Variants in HIP1 observed in about 807,000 individuals in gnomAD.
HIP1 encodes the protein huntingtin interacting protein 1, also known as huntingtin-interacting protein 1.
HIP1 carries 65 observed loss-of-function variants against 147.6 expected under a neutral mutation model. The observed-to-expected ratio is 0.44, with a 90% CI of 0.36 to 0.54. The LOEUF is 0.54. HIP1 is among the 20% of genes least tolerant of loss of function. The pLI, the probability that HIP1 is intolerant of heterozygous loss-of-function variation, is 0.00. For synonymous variants in HIP1, 479 were observed against 504.0 expected, an observed-to-expected ratio of 0.95 and a Z score of 0.67; for missense variants, 1,061 against 1,299.6, an observed-to-expected ratio of 0.82 and a Z score of 2.82.
chr7:75,549,038 G>T (rs781917291), intron 22 of HIP1, 37 bp from the exon 23 acceptor site: 2 of 1,425,918 alleles, frequency 1.4e-6, no homozygotes, highest in South Asian at 2.3e-5. Flanking sequence ...TGACCTTGGG[G>T]CCTCCTGTCT....
intron 1 of HIP1, among the ~76,000 whole-genome samples, chr7:75,723,244 T>C (rs368270907): frequency 6.6e-6 from 1 of 151,990 alleles, no homozygotes; most frequent in African/African-American, 2.4e-5. Flanking sequence ...TGGTGGTGCG[T>C]CCCTGTAATC....
At chr7:75,619,494 C>T (rs1307952259) in intron 1 of HIP1, among the ~76,000 whole-genome samples, 10 of 131,312 alleles carry the variant, frequency 7.6e-5, no homozygotes, top group East Asian at 6.6e-4. Flanking sequence ...CCAGCCTGGG[C>T]GACAGAGCAA....
intron 2 of HIP1, among the ~76,000 whole-genome samples, chr7:75,598,898 G>A (rs1010519976): frequency 3.3e-5 from 5 of 152,048 alleles, no homozygotes; most frequent in South Asian, 4.1e-4. Flanking sequence ...GACCCCTTTT[G>A]GAAAAAGAAA....
chr7:75,605,058 G>C (rs1271974261), intron 1 of HIP1, among the ~76,000 whole-genome samples: 2 of 152,134 alleles, frequency 1.3e-5, no homozygotes, highest in Non-Finnish European at 1.5e-5. Context: ...TTCTTAAAGG[G>C]AAAGGAGGGA....
At chr7:75,684,623 T>C (rs1444541225) in intron 1 of HIP1, among the ~76,000 whole-genome samples, 1 of 152,138 alleles carries the variant, frequency 6.6e-6, no homozygotes, top group Non-Finnish European at 1.5e-5. Context: ...CACTGATTAG[T>C]ATCCCACTGT....
intron 1 of HIP1, among the ~76,000 whole-genome samples, chr7:75,650,470 T>TTTTTTTTTTTTTTTA (rs1798936387): frequency 6.8e-6 from 1 of 147,926 alleles, no homozygotes; most frequent in African/African-American, 2.5e-5. Flanking sequence ...TTTTTTTTTT[T>TTTTTTTTTTTTTTTA]GAGACAGAGT....
At chr7:75,637,977 A>ACCCCC (rs548189788) in intron 1 of HIP1, among the ~76,000 whole-genome samples, 1 of 38,670 alleles carries the variant, frequency 2.6e-5, no homozygotes, top group African/African-American at 9.2e-5. Context: ...GCAGACCCAG[A>ACCCCC]CCCCCCCCCC....
At chr7:75,643,020 T>C (rs1161978303) in intron 1 of HIP1, among the ~76,000 whole-genome samples, 3 of 152,190 alleles carry the variant, frequency 2.0e-5, no homozygotes, top group Non-Finnish European at 2.9e-5. Flanking sequence ...CTCAGTTCCT[T>C]GACGTAATTC....
chr7:75,667,576 C>T (rs1197595121), intron 1 of HIP1, among the ~76,000 whole-genome samples: 8 of 152,192 alleles, frequency 5.3e-5, no homozygotes, highest in Non-Finnish European at 1.0e-4. Context: ...GTCTTGAGCT[C>T]CTGGGCTCAG....
chr7:75,638,005 TACACACAC>T (rs372119007), intron 1 of HIP1, among the ~76,000 whole-genome samples: 4 of 43,982 alleles, frequency 9.1e-5, no homozygotes, highest in Admixed American at 3.3e-4. Context: ...CACACACACA[TACACACAC>T]ACACACACAC....
At chr7:75,538,699 T>A (rs978983067) in intron 30 of HIP1, among the ~76,000 whole-genome samples, 2 of 151,108 alleles carry the variant, frequency 1.3e-5, no homozygotes, top group Non-Finnish European at 3.0e-5. Context: ...CTCAGCCTCC[T>A]GAGTAGCTGG....
intron 1 of HIP1, among the ~76,000 whole-genome samples, chr7:75,601,431 A>C (rs1171536358): frequency 3.9e-5 from 6 of 151,976 alleles, no homozygotes; most frequent in Admixed American, 2.6e-4. Flanking sequence ...TCTACTAAAA[A>C]TACAAAAATT....
intron 14 of HIP1, among the ~76,000 whole-genome samples, chr7:75,558,958 G>A (rs1795122067): frequency 6.6e-6 from 1 of 152,172 alleles, no homozygotes; most frequent in East Asian, 1.9e-4. Context: ...GGTAGAGGTT[G>A]CAGTGAGCCC....
intron 1 of HIP1, among the ~76,000 whole-genome samples, chr7:75,705,718 C>CA (rs1439315978): frequency 4.7e-4 from 71 of 152,156 alleles, no homozygotes; most frequent in African/African-American, 1.7e-3. Flanking sequence ...TTTGCTTATC[C>CA]ATTCATCCAC....
chr7:75,560,547 CG>C (rs1795191647), intron 13 of HIP1, among the ~76,000 whole-genome samples: 2 of 151,968 alleles, frequency 1.3e-5, no homozygotes, highest in South Asian at 4.2e-4. Context: ...CCACTGTGCC[CG>C]GCAAACCAAT....
intron 29 of HIP1, among the ~76,000 whole-genome samples, chr7:75,541,214 G>A (rs1419908916): frequency 6.6e-6 from 1 of 152,044 alleles, no homozygotes; most frequent in African/African-American, 2.4e-5. Flanking sequence ...GGCCAGCATG[G>A]TGAAACCTTA....
In HIP1 at chr7:75,554,495, G is replaced by A; in HGVS notation, c.1995C>T (p.Ser665=). Residue 665 remains serine (S), a synonymous_variant, in exon 20 of 31, where the codon TCC becomes TCT. Transcript: ENST00000336926. Reference sequence around the variant, plus strand: ...TTTTCTCCAGTTGCTCGATGCAGCTGGAAATGGATGTGACCGTGGAGAGGA... The same window carrying A: ...TTTTCTCCAGTTGCTCGATGCAGCTAGAAATGGATGTGACCGTGGAGAGGA... ...DHLLSTVTSI[S]SCIEQLEKSW... The A allele has an allele frequency of 1.2e-6, 2 of 1,613,924 alleles. No homozygotes were observed. Among genetic ancestry groups the A allele is most frequent in the Non-Finnish European group, 1.7e-6 (2 of 1,179,908 alleles).
At chr7:75,650,191 G>GC (rs1563269488) in intron 1 of HIP1, among the ~76,000 whole-genome samples, 2 of 152,124 alleles carry the variant, frequency 1.3e-5, no homozygotes, top group African/African-American at 2.4e-5. Context: ...GCAGGGGTCA[G>GC]AGGGCCTTTT....
rs1413117535 is a variant in HIP1, at chr7:75,559,984, C to T, written c.1192-69G>A. The T allele has an allele frequency of 8.4e-6, 12 of 1,420,274 alleles. 1 individual carries two copies. The East Asian group carries it at 9.8e-5, about 12-fold the overall frequency. The allele number at this position is 1,420,274 out of a possible 1,614,324, so 88.0% of individuals were successfully genotyped here. A position where few individuals can be genotyped will look rare whatever the true frequency, so the allele number is the denominator to read the frequency against. On this transcript the variant is annotated intron_variant, in intron 13 of 30. Transcript: ENST00000336926. ...GGGTCACGGGCATGGGCCGGAGAAGCGGGTCCTACCATGCTTCCAAGTAAA... is the reference window on the plus strand; with the variant it reads ...GGGTCACGGGCATGGGCCGGAGAAGTGGGTCCTACCATGCTTCCAAGTAAA...
Sources: gnomAD v4.1 joint callset for allele counts (sites outside exome capture counted in the v4.1 genomes callset) on GRCh38, gnomAD v4.1.1 for gene constraint, MANE v1.5 for transcripts, NCBI Gene and HGNC (gene_info 2026-07-23, HGNC 2026-07-21) for gene names.